MIGA2: variants seen among roughly 807,000 people sequenced by gnomAD.
The protein encoded by MIGA2 is mitoguardin 2.
Under a neutral mutation model 69.9 loss-of-function variants are expected in MIGA2, and 36 were observed. The ratio of observed to expected loss-of-function variants is 0.52; its 90% CI spans 0.39 to 0.68. The LOEUF is 0.68. Among genes scored for constraint, MIGA2 ranks in the 30% least tolerant of loss-of-function variants. The pLI is 0.00. For synonymous variants in MIGA2, 333 were observed against 349.2 expected, an observed-to-expected ratio of 0.95 and a Z score of 0.52; for missense variants, 660 against 787.7, an observed-to-expected ratio of 0.84 and a Z score of 1.94.
chr9:129,063,655 G>GGGGGGGGGGGGCC, intron 11 of MIGA2, 24 bp downstream of exon 11: 108 of 645,026 alleles, frequency 1.7e-4, no homozygotes, highest in Non-Finnish European at 2.7e-4. Context: ...GGGTGGGGGG[G>GGGGGGGGGGGGCC]CAAATTATAA....
chr9:129,063,059 C>T (rs1225860169), intron 9 of MIGA2, 185 bp from the exon 10 acceptor site: 1 of 614,268 alleles, frequency 1.6e-6, no homozygotes, highest in Non-Finnish European at 2.9e-6. Context: ...GCAGCCTCGT[C>T]CTTTGGCCTG....
At position 129,070,320 on chromosome 9, in the gene MIGA2, C is replaced by T. The variant is rs1846607080; in HGVS notation, c.1649C>T (p.Ala550Val). ...NVRYTSLPAL[A>V]DDILQLSRRR... ...CGCTACACGTCACTGCCCGCGCTGGCAGACGACATCCTGCAGCTGTCCCGG... is the reference window on the plus strand; with the variant it reads ...CGCTACACGTCACTGCCCGCGCTGGTAGACGACATCCTGCAGCTGTCCCGG... Residue 550 changes from alanine to valine, a missense_variant, in exon 16 of 16, where the codon GCA (alanine) becomes GTA (valine). By Grantham distance (64) the Ala-to-Val change is moderately conservative. Transcript: ENST00000684074. 1 of 1,613,160 alleles carries T rather than the reference C, an allele frequency of 6.2e-7. No homozygotes were observed. Among genetic ancestry groups the T allele is most frequent in the Non-Finnish European group, 8.5e-7 (1 of 1,179,996 alleles).
rs562051399 is a variant in MIGA2 at position 129,069,568 on chromosome 9, G to T, written c.1459-281G>T. The T allele has an allele frequency of 1.2e-4, 65 of 542,218 alleles. No homozygotes were observed. The South Asian group carries it at 1.3e-3, about 10-fold the overall frequency. 33.6% of individuals were successfully genotyped at this position (542,218 alleles called of 1,614,324 possible). A position where few individuals can be genotyped will look rare whatever the true frequency, so the allele number is the denominator to read the frequency against. Reference sequence around the variant, plus strand: ...CGTTCCCCTCTGCGGGCCAGGCTCTGTTGCCTAGCTGATACCAGCTGCCGT... The same window carrying T: ...CGTTCCCCTCTGCGGGCCAGGCTCTTTTGCCTAGCTGATACCAGCTGCCGT... On this transcript the variant is annotated intron_variant, in intron 14 of 15. Coordinates refer to ENST00000684074, the MANE Select transcript of MIGA2 (RefSeq NM_001329990.2). This position sits in a 1 kb window ranked among gnomAD's most constrained non-coding sequence, Gnocchi z 4.9.
In MIGA2 at chr9:129,063,306, AGGCCTTCGAGGT is replaced by A; in HGVS notation, c.1076_1083+4del. ...CTGGCCAAGCTGCACTGTGTGCGGCAGGCCTTCGAGGTGGGTGTGGCCTGGGGGTTCCTCGGG... is the reference window on the plus strand; with the variant it reads ...CTGGCCAAGCTGCACTGTGTGCGGCAGGGTGTGGCCTGGGGGTTCCTCGGG... On this transcript the variant is annotated splice_donor_variant and coding_sequence_variant, in exon 10 of 16. Coordinates refer to ENST00000684074, the MANE Select transcript of MIGA2 (RefSeq NM_001329990.2). LOFTEE classifies it high-confidence loss of function. The A allele has an allele frequency of 6.2e-7, 1 of 1,613,948 alleles. No homozygotes were observed. The highest frequency in any genetic ancestry group is 8.5e-7 in the Non-Finnish European group (1 of 1,179,962).
rs536366646 is a variant in MIGA2 at position 129,048,322 on chromosome 9, C to T, written c.308-105C>T. On this transcript the variant is annotated intron_variant, in intron 3 of 15. Transcript: ENST00000684074. ...TTCCCCTGACTTAGAAGGTCGGGACCGATTCCCAGATGAGGAAGAAGGGGA... is the reference window on the plus strand; with the variant it reads ...TTCCCCTGACTTAGAAGGTCGGGACTGATTCCCAGATGAGGAAGAAGGGGA... The T allele has an allele frequency of 4.9e-4, 478 of 976,712 alleles. 1 individual carries two copies. In the African/African-American group the frequency reaches 6.5e-3, roughly 13 times the overall value. The allele number at this position is 976,712 out of a possible 1,614,324, so 60.5% of individuals were successfully genotyped here. A position where few individuals can be genotyped will look rare whatever the true frequency, so the allele number is the denominator to read the frequency against.
At position 129,070,768 on chromosome 9, in the gene MIGA2, C is replaced by T. The variant is rs1846638318; in HGVS notation, c.*315C>T. On this transcript the variant is annotated 3_prime_UTR_variant, in exon 16 of 16. Coordinates refer to ENST00000684074, the MANE Select transcript of MIGA2 (RefSeq NM_001329990.2). ...CCTCCCATCGCTCCAGGGCTGCTGA[C>T]AAGGGTGCTGGGAGGGTGGAGGTGA... 2.5e-6 allele frequency: 1 copy of T among 396,102 alleles called. No individual in the cohort carries two copies. The highest frequency in any genetic ancestry group is 4.6e-6 in the Non-Finnish European group (1 of 216,598). The allele number at this position is 396,102 out of a possible 1,614,324, so 24.5% of individuals were successfully genotyped here.
intron 3 of MIGA2, among the ~76,000 whole-genome samples, chr9:129,043,549 G>C (rs1054408169): frequency 6.6e-6 from 1 of 151,902 alleles, no homozygotes; most frequent in African/African-American, 2.4e-5. Flanking sequence ...ACCATGCCTG[G>C]CTAATTTTTG....
chr9:129,037,889 T>C (rs1284373721), intron 1 of MIGA2, among the ~76,000 whole-genome samples: 3 of 152,170 alleles, frequency 2.0e-5, no homozygotes, highest in Non-Finnish European at 4.4e-5. Flanking sequence ...TCAGGCAGGC[T>C]GCCTCATCTC....
chr9:129,067,550 G>A, intron 11 of MIGA2: 1 of 558,522 alleles, frequency 1.8e-6, no homozygotes, highest in East Asian at 3.0e-5. Flanking sequence ...CTGGAAGTTA[G>A]CAGGTGCTCA....
In MIGA2 at chr9:129,042,980, G is replaced by T. The variant is rs111490330; in HGVS notation, c.307+466G>T. On this transcript the variant is annotated intron_variant, in intron 3 of 15. Transcript: ENST00000684074. ...GAAGCCGAGGCGGGCAGATCACAAG[G>T]TTAGGAGATCGAGGCCATCCTGAAT... 3.4e-3 allele frequency among the ~76,000 whole-genome samples: 513 copies of T among 152,274 alleles called. 1 individual carries two copies. The highest frequency in any genetic ancestry group is 0.012 in the African/African-American group (496 of 41,572).
chr9:129,058,226 G>A (rs1845889274), intron 6 of MIGA2, among the ~76,000 whole-genome samples: 1 of 151,696 alleles, frequency 6.6e-6, no homozygotes. Flanking sequence ...GCAAAACCCT[G>A]TATCTACCAA....
chr9:129,044,269 G>C (rs943455282), intron 3 of MIGA2, among the ~76,000 whole-genome samples: 1 of 151,940 alleles, frequency 6.6e-6, no homozygotes, highest in African/African-American at 2.4e-5. Context: ...TGGGAGCCAG[G>C]CATGAGCCAC....
intron 3 of MIGA2, among the ~76,000 whole-genome samples, chr9:129,043,893 G>A (rs140695469): frequency 0.016 from 2,488 of 151,916 alleles, 71 homozygotes; most frequent in African/African-American, 0.051. Context: ...GTAGAGACAG[G>A]GTTTCACTGT....
intron 6 of MIGA2, among the ~76,000 whole-genome samples, chr9:129,055,486 T>C (rs951059398): frequency 6.6e-6 from 1 of 152,128 alleles, no homozygotes; most frequent in African/African-American, 2.4e-5. Flanking sequence ...CTAGGCTAAG[T>C]GGGTTCATCT....
At chr9:129,037,001 G>T (rs1382522352) in intron 1 of MIGA2, 2 of 1,002,822 alleles carry the variant, frequency 2.0e-6, no homozygotes, top group African/African-American at 1.7e-5. Context: ...CGTGAGCGGC[G>T]CCAGAGGGTA....
At position 129,069,582 on chromosome 9, in the gene MIGA2, A is replaced by G; in HGVS notation, c.1459-267A>G. ...GGCCAGGCTCTGTTGCCTAGCTGAT[A>G]CCAGCTGCCGTGGCCACGTGCTCCA... On this transcript the variant is annotated intron_variant, in intron 14 of 15. Coordinates refer to ENST00000684074, the MANE Select transcript of MIGA2 (RefSeq NM_001329990.2). The surrounding 1 kb of genome is among the most constrained non-coding windows in gnomAD (Gnocchi z 4.9). 2 of 549,574 alleles carry G rather than the reference A, an allele frequency of 3.6e-6. No homozygotes were observed. Among genetic ancestry groups the G allele is most frequent in the Admixed American group, 6.2e-5 (2 of 32,120 alleles). The allele number at this position is 549,574 out of a possible 1,614,324, so 34.0% of individuals were successfully genotyped here.
intron 9 of MIGA2, among the ~76,000 whole-genome samples, chr9:129,062,446 C>T (rs1846112650): frequency 6.7e-6 from 1 of 149,808 alleles, no homozygotes; most frequent in Non-Finnish European, 1.5e-5. Context: ...ACAGGAGGAT[C>T]ACTTGAACCC....
chr9:129,067,835 C>G lies in MIGA2; in HGVS notation c.1233C>G (p.Thr411=). The G allele has an allele frequency of 6.2e-7, 1 of 1,613,204 alleles. No homozygotes were observed. The highest frequency in any genetic ancestry group is 1.1e-5 in the South Asian group (1 of 90,896). The change falls in exon 12 of 16, where the codon ACC becomes ACG. Residue 411 remains threonine (T), a synonymous_variant. Transcript: ENST00000684074. The stretch of plus-strand genomic sequence containing the variant: ...TGAGCTATGCCCTGCGGCCCGAGAC[C>G]TGGGCCACAACACGGCTGGAGCTGG... ...EMLSYALRPE[T]WATTRLELEG...
Position 129,059,398 on chromosome 9 carries a change from C to T in MIGA2, c.793+127C>T, listed in dbSNP as rs1278506160. ...ATGAATCAGAATCCCCAGGGCTCTC[C>T]GACCTCGCGTGATCCAGCACCTTAT... On this transcript the variant is annotated intron_variant, in intron 7 of 15. Transcript: ENST00000684074. This position sits in a 1 kb window ranked among gnomAD's most constrained non-coding sequence, Gnocchi z 5.6. The T allele has an allele frequency of 7.2e-6, 5 of 698,704 alleles. 1 individual carries two copies. The highest frequency in any genetic ancestry group is 5.5e-5 in the East Asian group (2 of 36,278). The allele number at this position is 698,704 out of a possible 1,614,324, so 43.3% of individuals were successfully genotyped here.
Sources: allele counts gnomAD v4.1 joint callset (sites outside exome capture counted in the v4.1 genomes callset), GRCh38; gene constraint gnomAD v4.1.1; non-coding constraint Gnocchi (gnomAD v3.1); transcripts MANE v1.5; gene names NCBI Gene and HGNC (gene_info 2026-07-23, HGNC 2026-07-21).